The following ST18 variants were observed in gnomAD, a reference collection of about 807,000 sequenced individuals.
The protein encoded by ST18 is suppression of tumorigenicity 18 protein.
In ST18, 50 loss-of-function variants were observed where a neutral mutation model predicts 110.0. That is an observed-to-expected ratio of 0.45 (90% CI 0.36 to 0.58). ST18 has a LOEUF of 0.58. Among genes scored for constraint, ST18 ranks in the 20% least tolerant of loss-of-function variants. ST18 has a pLI of 0.00. For missense variants in ST18, 1,306 were observed against 1,280.1 expected (o/e 1.02, Z -0.31); for synonymous variants, 461 against 452.4 (o/e 1.02, Z -0.24).
At chr8:52,238,952 C>G (rs1439669771) in intron 2 of ST18, among the ~76,000 whole-genome samples, 1 of 152,030 alleles carries the variant, frequency 6.6e-6, no homozygotes, top group Non-Finnish European at 1.5e-5. Context: ...TCAGACTTCA[C>G]CACTGTGCAA....
At chr8:52,191,786 T>G (rs1386570838) in intron 8 of ST18, among the ~76,000 whole-genome samples, 1 of 151,778 alleles carries the variant, frequency 6.6e-6, no homozygotes, top group East Asian at 1.9e-4. Context: ...GTGCCTGAGG[T>G]AAGAAAATAT....
chr8:52,156,303 T>G (rs550969300), intron 15 of ST18, among the ~76,000 whole-genome samples: 1 of 152,342 alleles, frequency 6.6e-6, no homozygotes, highest in South Asian at 2.1e-4. Context: ...CTTGCTAATA[T>G]ACCAAAAGTG....
intron 2 of ST18, among the ~76,000 whole-genome samples, chr8:52,309,866 T>C (rs2095875315): frequency 6.6e-6 from 1 of 152,074 alleles, no homozygotes; most frequent in Non-Finnish European, 1.5e-5. Flanking sequence ...ACTATTTTAC[T>C]TTCCCCACCC....
intron 2 of ST18, among the ~76,000 whole-genome samples, chr8:52,339,754 C>T (rs1813985486): frequency 6.6e-6 from 1 of 152,254 alleles, no homozygotes; most frequent in South Asian, 2.1e-4. Context: ...GGGGCCACTG[C>T]TCTGAGCTGT....
chr8:52,376,058 C>T (rs1832240876), intron 2 of ST18, among the ~76,000 whole-genome samples: 1 of 152,114 alleles, frequency 6.6e-6, no homozygotes, highest in Non-Finnish European at 1.5e-5. Flanking sequence ...CCAGGTTTTG[C>T]CACCACCATC....
At chr8:52,291,830 C>T (rs1306577739) in intron 2 of ST18, among the ~76,000 whole-genome samples, 3 of 152,038 alleles carry the variant, frequency 2.0e-5, no homozygotes, top group Admixed American at 6.5e-5. Flanking sequence ...GCAGGAGTGC[C>T]GTGGCAAGAA....
intron 2 of ST18, among the ~76,000 whole-genome samples, chr8:52,347,052 A>G (rs969421168): frequency 1.3e-5 from 2 of 152,250 alleles, no homozygotes; most frequent in African/African-American, 4.8e-5. Flanking sequence ...GCTGGAAACA[A>G]TCTCCCTAGA....
intron 7 of ST18, among the ~76,000 whole-genome samples, chr8:52,214,000 T>A (rs1463075650): frequency 2.6e-5 from 4 of 152,226 alleles, no homozygotes; most frequent in African/African-American, 9.6e-5. Context: ...TCATAGATCA[T>A]TTGGACTTTT....
At chr8:52,304,502 A>C (rs958606214) in intron 2 of ST18, among the ~76,000 whole-genome samples, 1 of 152,240 alleles carries the variant, frequency 6.6e-6, no homozygotes, top group African/African-American at 2.4e-5. Flanking sequence ...AACTTACTGG[A>C]AGGAAATTAT....
At chr8:52,348,933 C>T (rs1819009671) in intron 2 of ST18, among the ~76,000 whole-genome samples, 1 of 152,102 alleles carries the variant, frequency 6.6e-6, no homozygotes, top group African/African-American at 2.4e-5. Context: ...CCATATTGTA[C>T]AATAGATCTC....
intron 8 of ST18, among the ~76,000 whole-genome samples, chr8:52,197,889 G>GCACACACACA (rs57662247): frequency 2.7e-4 from 41 of 150,260 alleles, no homozygotes; most frequent in Middle Eastern, 3.4e-3. Flanking sequence ...AACAAAATGA[G>GCACACACACA]CACACACACA....
intron 2 of ST18, among the ~76,000 whole-genome samples, chr8:52,285,343 G>A (rs1205267352): frequency 1.3e-5 from 2 of 152,140 alleles, no homozygotes; most frequent in Non-Finnish European, 2.9e-5. Context: ...TACATGTAAT[G>A]ACGATGGAAC....
chr8:52,164,126 A>C (rs998139128), intron 12 of ST18, 36 bp from the exon 13 acceptor site: 19 of 1,558,996 alleles, frequency 1.2e-5, no homozygotes, highest in Non-Finnish European at 1.6e-5. Context: ...GATTTTAGTT[A>C]AAATGATAAT....
intron 2 of ST18, among the ~76,000 whole-genome samples, chr8:52,264,571 T>C (rs1236503520): frequency 6.6e-6 from 1 of 152,210 alleles, no homozygotes; most frequent in Non-Finnish European, 1.5e-5. Context: ...GAAACTCAAA[T>C]ACATTCCTGC....
intron 16 of ST18, among the ~76,000 whole-genome samples, 196 bp from the exon 17 acceptor site, chr8:52,143,241 C>A (rs1473789483): frequency 6.6e-6 from 1 of 152,186 alleles, no homozygotes; most frequent in African/African-American, 2.4e-5. Context: ...AATCCTTGGC[C>A]TTTGGGAAGC....
chr8:52,221,864 G>A (rs1043157117), intron 3 of ST18, 71 bp from the exon 4 acceptor site: 1 of 151,368 alleles, frequency 6.6e-6, no homozygotes, highest in African/African-American at 2.4e-5. Flanking sequence ...GAATTGAAAA[G>A]TAGCACAGGA....
At chr8:52,248,573 G>A (rs2094039656) in intron 2 of ST18, 1 of 152,146 alleles carries the variant, frequency 6.6e-6, no homozygotes, top group Non-Finnish European at 1.5e-5. Context: ...AGGCAAATAA[G>A]ACTTTCTGGC....
chr8:52,341,902 A>G (rs1024052940), intron 2 of ST18, among the ~76,000 whole-genome samples: 3 of 152,216 alleles, frequency 2.0e-5, no homozygotes, highest in Non-Finnish European at 4.4e-5. Flanking sequence ...GGGCTGCCAA[A>G]GAGCACCCAC....
intron 2 of ST18, among the ~76,000 whole-genome samples, chr8:52,350,860 A>T: frequency 6.6e-6 from 1 of 151,984 alleles, no homozygotes; most frequent in Non-Finnish European, 1.5e-5. Context: ...AGCTGGGACT[A>T]CAGGCGTGTG....
Sources: gnomAD v4.1 joint callset for allele counts (sites outside exome capture counted in the v4.1 genomes callset) on GRCh38, gnomAD v4.1.1 for gene constraint, MANE v1.5 for transcripts, NCBI Gene and HGNC (gene_info 2026-07-23, HGNC 2026-07-21) for gene names.